Variants in RBMS3 observed in about 807,000 individuals in gnomAD.
RBMS3 encodes RNA-binding motif, single-stranded-interacting protein 3.
Under a neutral mutation model 66.8 loss-of-function variants are expected in RBMS3, and 27 were observed. That is an observed-to-expected ratio of 0.40 (90% CI 0.30 to 0.56). RBMS3 has a LOEUF of 0.56. Ranked by LOEUF, RBMS3 falls within the 20% of genes least tolerant of loss-of-function variation. The pLI, the probability that RBMS3 is intolerant of heterozygous loss-of-function variation, is 0.40. For synonymous variants in RBMS3, 188 were observed against 183.0 expected (o/e 1.03, Z -0.22); for missense variants, 513 against 549.5 (o/e 0.93, Z 0.66).
At chr3:29,736,567 G>T (rs2054388211) in intron 4 of RBMS3, among the ~76,000 whole-genome samples, 1 of 152,128 alleles carries the variant, frequency 6.6e-6, no homozygotes, top group Non-Finnish European at 1.5e-5. Flanking sequence ...AAGGGGTATT[G>T]AATATTGAGC....
chr3:29,904,653 A>T (rs561861845), intron 10 of RBMS3, among the ~76,000 whole-genome samples: 4 of 152,074 alleles, frequency 2.6e-5, no homozygotes, highest in Non-Finnish European at 5.9e-5. Flanking sequence ...AATTTGATAT[A>T]CATTATTTTC....
chr3:29,286,342 G>C (rs1266684765), intron 1 of RBMS3, among the ~76,000 whole-genome samples: 1 of 151,596 alleles, frequency 6.6e-6, no homozygotes, highest in East Asian at 1.9e-4. Context: ...CAGTGGGATT[G>C]AACACAATCC....
At chr3:29,409,002 T>C (rs1169654151) in intron 1 of RBMS3, among the ~76,000 whole-genome samples, 2 of 152,152 alleles carry the variant, frequency 1.3e-5, no homozygotes, top group African/African-American at 4.8e-5. Context: ...ACTATCAGAG[T>C]TGAAAGGAAC....
chr3:29,857,042 A>G (rs1312726324), intron 6 of RBMS3, among the ~76,000 whole-genome samples: 1 of 152,174 alleles, frequency 6.6e-6, no homozygotes. Context: ...TCTTTTACCT[A>G]CTGAAAGCAA....
At chr3:29,362,175 G>T (rs1273539239) in intron 1 of RBMS3, among the ~76,000 whole-genome samples, 1 of 152,156 alleles carries the variant, frequency 6.6e-6, no homozygotes, top group Non-Finnish European at 1.5e-5. Flanking sequence ...CCATCTTTGT[G>T]GTTTTATCTA....
At chr3:29,910,535 G>A (rs2060489316) in intron 10 of RBMS3, among the ~76,000 whole-genome samples, 3 of 152,008 alleles carry the variant, frequency 2.0e-5, no homozygotes, top group Admixed American at 2.0e-4. Flanking sequence ...ATTTCTTACT[G>A]CTCAGTATGT....
At chr3:29,989,469 C>T (rs990301425) in intron 13 of RBMS3, among the ~76,000 whole-genome samples, 16 of 152,148 alleles carry the variant, frequency 1.1e-4, no homozygotes, top group African/African-American at 3.9e-4. Context: ...GATGTCTTTG[C>T]TACTCCATTT....
At chr3:30,003,464 G>A (rs933092446) in intron 14 of RBMS3, among the ~76,000 whole-genome samples, 1 of 151,894 alleles carries the variant, frequency 6.6e-6, no homozygotes, top group South Asian at 2.1e-4. Flanking sequence ...TAAGCCTTAT[G>A]TAAATGTACG....
chr3:29,407,977 A>T (rs1471327002), intron 1 of RBMS3, among the ~76,000 whole-genome samples: 2 of 152,168 alleles, frequency 1.3e-5, no homozygotes, highest in African/African-American at 4.8e-5. Flanking sequence ...AAGTCATTAG[A>T]AATTAGGAAA....
At chr3:29,539,272 T>C (rs961354496) in intron 3 of RBMS3, among the ~76,000 whole-genome samples, 10 of 152,230 alleles carry the variant, frequency 6.6e-5, no homozygotes, top group African/African-American at 2.4e-4. Context: ...TCAAATTGGA[T>C]TGCAGCCTTC....
chr3:29,520,670 C>T (rs866030652), intron 3 of RBMS3, among the ~76,000 whole-genome samples: 2 of 152,012 alleles, frequency 1.3e-5, no homozygotes, highest in Non-Finnish European at 2.9e-5. Context: ...CACATATGCA[C>T]TATATACAAA....
chr3:29,337,378 C>T (rs1240083563), intron 1 of RBMS3, among the ~76,000 whole-genome samples: 1 of 151,968 alleles, frequency 6.6e-6, no homozygotes, highest in Non-Finnish European at 1.5e-5. Flanking sequence ...GTGGCTCAAG[C>T]CTATAATCCC....
rs146744357 is a variant in RBMS3 at position 29,508,273 on chromosome 3, A to C, written c.307+19774A>C. 2.0e-3 allele frequency among the ~76,000 whole-genome samples: 301 copies of C among 152,268 alleles called. No individual in the cohort carries two copies. The South Asian group carries it at 0.023, about 12-fold the overall frequency. On this transcript the variant is annotated intron_variant, in intron 3 of 14. Coordinates refer to ENST00000383767, the MANE Select transcript of RBMS3 (RefSeq NM_001003793.3). ...ATGCACAGGTTTGTTACATAGGTAT[A>C]CATGTGCCATGGTGGTTTGCTGCAC...
At chr3:29,530,357 TG>T (rs539551395) in intron 3 of RBMS3, among the ~76,000 whole-genome samples, 42 of 152,280 alleles carry the variant, frequency 2.8e-4, no homozygotes, top group African/African-American at 1.0e-3. Context: ...CCCAGAAATT[TG>T]GATATGTGGA....
chr3:29,726,223 C>T (rs1261524707), intron 4 of RBMS3, among the ~76,000 whole-genome samples: 1 of 152,092 alleles, frequency 6.6e-6, no homozygotes, highest in African/African-American at 2.4e-5. Context: ...ATAATAAGAG[C>T]TATTTATGAC....
At chr3:29,515,769 A>G (rs1303949946) in intron 3 of RBMS3, among the ~76,000 whole-genome samples, 1 of 151,936 alleles carries the variant, frequency 6.6e-6, no homozygotes, top group African/African-American at 2.4e-5. Context: ...TTAGCATTAC[A>G]TTTGCAGTAC....
intron 6 of RBMS3, among the ~76,000 whole-genome samples, chr3:29,796,289 C>G (rs2057182562): frequency 6.6e-6 from 1 of 152,120 alleles, no homozygotes; most frequent in African/African-American, 2.4e-5. Flanking sequence ...AATTCTAGTT[C>G]TCTTGCTATT....
At chr3:29,856,082 T>C (rs2059068145) in intron 6 of RBMS3, among the ~76,000 whole-genome samples, 1 of 152,236 alleles carries the variant, frequency 6.6e-6, no homozygotes, top group Non-Finnish European at 1.5e-5. Flanking sequence ...AAATATTTAA[T>C]GTCTGCTTTG....
At chr3:29,342,258 G>T (rs1255611770) in intron 1 of RBMS3, among the ~76,000 whole-genome samples, 1 of 152,192 alleles carries the variant, frequency 6.6e-6, no homozygotes, top group East Asian at 1.9e-4. Flanking sequence ...GGAGATTTGA[G>T]ACCTAGTTCT....
Sources: gnomAD v4.1 joint callset for allele counts (sites outside exome capture counted in the v4.1 genomes callset) on GRCh38, gnomAD v4.1.1 for gene constraint, MANE v1.5 for transcripts, NCBI Gene and HGNC (gene_info 2026-07-23, HGNC 2026-07-21) for gene names.